Variants in PELI1 observed in about 807,000 individuals in gnomAD.
The protein encoded by PELI1 is E3 ubiquitin-protein ligase pellino homolog 1.
In PELI1, 15 loss-of-function variants were observed where a neutral mutation model predicts 41.3. The observed-to-expected ratio is 0.36, with a 90% CI of 0.24 to 0.56. The LOEUF is 0.56. Among genes scored for constraint, PELI1 ranks in the 20% least tolerant of loss-of-function variants. PELI1 has a pLI of 0.82. For missense variants in PELI1, 403 were observed against 525.5 expected, an observed-to-expected ratio of 0.77 and a Z score of 2.28; for synonymous variants, 178 against 180.1, an observed-to-expected ratio of 0.99 and a Z score of 0.09.
Position 64,125,921 on chromosome 2 carries a change from A to AT in PELI1, c.-69-17543dup, listed in dbSNP as rs757225942. Among the ~76,000 whole-genome samples, 29 of 152,364 alleles carry AT rather than the reference A, an allele frequency of 1.9e-4. No homozygotes were observed. In the South Asian group the frequency reaches 3.1e-3, roughly 16 times the overall value. On this transcript the variant is annotated intron_variant, in intron 1 of 6. Coordinates refer to ENST00000358912, the MANE Select transcript of PELI1 (RefSeq NM_020651.4). ...ATAAAATTGTCTTCAAGCTATTTGT[A>AT]TAAGGTGTATATGAAACATAAATGA...
At chr2:64,102,730 G>A (rs1219038044) in intron 3 of PELI1, among the ~76,000 whole-genome samples, 2 of 152,016 alleles carry the variant, frequency 1.3e-5, no homozygotes, top group African/African-American at 2.4e-5. Flanking sequence ...GGCCTAGAAC[G>A]CAGGGTTTTA....
Position 64,096,616 on chromosome 2 carries a change from G to T in PELI1, c.304-6C>A. ...CTTTCAGTCGACCGGCCAATCTGAGGGAAAAAAAAAAATACCTATAAACCC... is the reference window on the plus strand; with the variant it reads ...CTTTCAGTCGACCGGCCAATCTGAGTGAAAAAAAAAAATACCTATAAACCC... On this transcript the variant is annotated splice_polypyrimidine_tract_variant and splice_region_variant and intron_variant, in intron 4 of 6. Coordinates refer to ENST00000358912, the MANE Select transcript of PELI1 (RefSeq NM_020651.4). The T allele has an allele frequency of 6.3e-7, 1 of 1,588,400 alleles. No homozygotes were observed. Among genetic ancestry groups the T allele is most frequent in the South Asian group, 1.1e-5 (1 of 88,878 alleles).
intron 1 of PELI1, among the ~76,000 whole-genome samples, chr2:64,138,645 T>C (rs1681796031): frequency 6.6e-6 from 1 of 152,180 alleles, no homozygotes; most frequent in Non-Finnish European, 1.5e-5. Flanking sequence ...GAGAACCACT[T>C]GAACCCAGGA....
intron 1 of PELI1, among the ~76,000 whole-genome samples, chr2:64,113,951 C>A (rs1680905760): frequency 1.3e-5 from 2 of 151,852 alleles, no homozygotes; most frequent in South Asian, 4.1e-4. Context: ...ACCTACTAAA[C>A]ACAAGTACAA....
intron 1 of PELI1, among the ~76,000 whole-genome samples, chr2:64,129,461 G>C (rs1470800066): frequency 2.0e-5 from 3 of 151,992 alleles, no homozygotes; most frequent in African/African-American, 7.2e-5. Flanking sequence ...TAAACTAATT[G>C]GGCTTTTTTA....
At chr2:64,113,568 G>C (rs770218956) in intron 1 of PELI1, among the ~76,000 whole-genome samples, 1 of 151,922 alleles carries the variant, frequency 6.6e-6, no homozygotes, top group Admixed American at 6.6e-5. Flanking sequence ...TTGAAACTTT[G>C]CTTGATACTC....
chr2:64,097,761 A>G (rs116258684), intron 4 of PELI1, among the ~76,000 whole-genome samples: 312 of 152,330 alleles, frequency 2.0e-3, no homozygotes, highest in African/African-American at 7.1e-3. Context: ...TTTTAGCCTC[A>G]AGTTCCTCAT....
chr2:64,134,683 T>A (rs1367686458), intron 1 of PELI1, among the ~76,000 whole-genome samples: 1 of 152,164 alleles, frequency 6.6e-6, no homozygotes, highest in Non-Finnish European at 1.5e-5. Flanking sequence ...TCATGCTAAC[T>A]GTAGTCTAAA....
chr2:64,101,949 T>A (rs534024230), intron 3 of PELI1, among the ~76,000 whole-genome samples: 135 of 150,818 alleles, frequency 9.0e-4, no homozygotes, highest in African/African-American at 3.2e-3. Flanking sequence ...TGCTTCAGCC[T>A]CCTGAGTAGC....
At chr2:64,116,855 G>A (rs1222073186) in intron 1 of PELI1, among the ~76,000 whole-genome samples, 1 of 152,138 alleles carries the variant, frequency 6.6e-6, no homozygotes, top group Non-Finnish European at 1.5e-5. Context: ...GACAGCATGT[G>A]CTCACTTCAT....
intron 1 of PELI1, among the ~76,000 whole-genome samples, chr2:64,140,775 C>A: frequency 3.5e-5 from 2 of 57,192 alleles, no homozygotes; most frequent in African/African-American, 8.6e-5. Flanking sequence ...GTGATCTACT[C>A]AAGACAACAT....
chr2:64,143,851 G>C (rs1487669034), intron 1 of PELI1, among the ~76,000 whole-genome samples: 1 of 151,770 alleles, frequency 6.6e-6, no homozygotes, highest in African/African-American at 2.4e-5. Flanking sequence ...CCGGGCGGAG[G>C]GGGAGGCCGC....
At position 64,094,148 on chromosome 2, in the gene PELI1, G is replaced by C. The variant is rs1215125613; in HGVS notation, c.*554C>G. On this transcript the variant is annotated 3_prime_UTR_variant, in exon 7 of 7. Transcript: ENST00000358912. ...TATTTAGATTGGGGTGGGGAGAGAG[G>C]CTCTCTCGTCCTTCTTCCTAACTTT... 1.3e-5 allele frequency: 2 copies of C among 152,528 alleles called. No individual in the cohort carries two copies. The highest frequency in any genetic ancestry group is 4.8e-5 in the African/African-American group (2 of 41,410). 9.4% of individuals were successfully genotyped at this position (152,528 alleles called of 1,614,324 possible).
intron 1 of PELI1, among the ~76,000 whole-genome samples, chr2:64,108,852 T>C (rs1680706492): frequency 1.3e-5 from 2 of 152,170 alleles, no homozygotes. Flanking sequence ...CAACAAAAGC[T>C]TGCTCTCTCT....
chr2:64,104,466 T>C, intron 3 of PELI1: 1 of 435,916 alleles, frequency 2.3e-6, no homozygotes, highest in Non-Finnish European at 3.8e-6. Flanking sequence ...AACAGAGTGT[T>C]TCCTTCTAAT....
intron 1 of PELI1, among the ~76,000 whole-genome samples, chr2:64,110,247 G>GAAAA (rs796716135): frequency 4.2e-4 from 42 of 100,728 alleles, no homozygotes; most frequent in East Asian, 1.5e-3. Flanking sequence ...TCCGTCTCAA[G>GAAAA]AAAAAAAAAA....
At chr2:64,136,657 G>A (rs1681725832) in intron 1 of PELI1, among the ~76,000 whole-genome samples, 1 of 152,232 alleles carries the variant, frequency 6.6e-6, no homozygotes, top group Admixed American at 6.5e-5. Context: ...TGTAATTCCA[G>A]CACTCTGGGA....
intron 4 of PELI1, among the ~76,000 whole-genome samples, chr2:64,099,159 T>TG (rs1680337974): frequency 7.5e-6 from 1 of 134,032 alleles, no homozygotes; most frequent in African/African-American, 2.9e-5. Context: ...CCAAATATCT[T>TG]GGAGATACAC....
intron 3 of PELI1, 145 bp from the exon 4 acceptor site, chr2:64,100,644 T>G: frequency 1.5e-6 from 1 of 656,172 alleles, no homozygotes; most frequent in South Asian, 1.7e-5. Context: ...GGTTAATAAC[T>G]CCTGTCAGCT....
Sources: gnomAD v4.1 joint callset for allele counts (sites outside exome capture counted in the v4.1 genomes callset) on GRCh38, gnomAD v4.1.1 for gene constraint, MANE v1.5 for transcripts, NCBI Gene and HGNC (gene_info 2026-07-23, HGNC 2026-07-21) for gene names.